The following CACHD1 variants were observed in gnomAD, a reference collection of about 807,000 sequenced individuals.
CACHD1 encodes cache domain containing 1, also known as VWFA and cache domain-containing protein 1.
Under a neutral mutation model 138.7 loss-of-function variants are expected in CACHD1, and 71 were observed. The ratio of observed to expected loss-of-function variants is 0.51; its 90% CI spans 0.42 to 0.62. CACHD1 has a LOEUF of 0.62. Among genes scored for constraint, CACHD1 ranks in the 20% least tolerant of loss-of-function variants. The probability of loss-of-function intolerance (pLI) is 0.00; values close to 1 mark genes in which losing one functional copy is unlikely to be tolerated. For missense variants in CACHD1, 1,389 were observed against 1,625.3 expected, an observed-to-expected ratio of 0.85 and a Z score of 2.50; for synonymous variants, 578 against 591.5, an observed-to-expected ratio of 0.98 and a Z score of 0.33.
At chr1:64,539,639 G>A (rs987169369) in intron 1 of CACHD1, among the ~76,000 whole-genome samples, 2 of 152,194 alleles carry the variant, frequency 1.3e-5, no homozygotes, top group African/African-American at 2.4e-5. Context: ...GGCCAATGGG[G>A]CTAGAATGTA....
At chr1:64,566,320 A>G (rs960056263) in intron 2 of CACHD1, among the ~76,000 whole-genome samples, 2 of 152,238 alleles carry the variant, frequency 1.3e-5, no homozygotes, top group Non-Finnish European at 2.9e-5. Flanking sequence ...AATTTGCTGC[A>G]TGAATTAATA....
chr1:64,527,713 G>A (rs74082821), intron 1 of CACHD1, among the ~76,000 whole-genome samples: 3,407 of 152,180 alleles, frequency 0.022, 126 homozygotes, highest in African/African-American at 0.077. Context: ...GGATAATATT[G>A]CACTTAATAT....
rs1194782163 is a variant in CACHD1 at position 64,531,527 on chromosome 1, G to GTT, written c.199-19066_199-19065insTT. 1.0e-3 allele frequency among the ~76,000 whole-genome samples: 134 copies of GTT among 131,288 alleles called. 2 individuals are homozygous for GTT. The highest frequency in any genetic ancestry group is 6.6e-3 in the Admixed American group (84 of 12,770). The allele number at this position is 131,288 out of a possible 152,430, so 86.1% of individuals were successfully genotyped here. ...TGTGTGTGTGTGTGTGTGTGTGTGT[G>GTT]TGTCTGTGTAGGGGTGGGAGGAGAA... On this transcript the variant is annotated intron_variant, in intron 1 of 26. Coordinates refer to ENST00000651257, the MANE Select transcript of CACHD1 (RefSeq NM_020925.4).
chr1:64,476,613 T>C (rs537979385), intron 1 of CACHD1, among the ~76,000 whole-genome samples: 1 of 152,374 alleles, frequency 6.6e-6, no homozygotes, highest in African/African-American at 2.4e-5. Flanking sequence ...CATTGACGGA[T>C]GACTCTGAGT....
chr1:64,479,547 T>G (rs575115776), intron 1 of CACHD1, among the ~76,000 whole-genome samples: 1 of 152,104 alleles, frequency 6.6e-6, no homozygotes, highest in Middle Eastern at 3.2e-3. Context: ...AGGGCATAAA[T>G]AGAGGTGGGA....
At chr1:64,546,994 A>C (rs1217333324) in intron 1 of CACHD1, among the ~76,000 whole-genome samples, 1 of 152,196 alleles carries the variant, frequency 6.6e-6, no homozygotes, top group Non-Finnish European at 1.5e-5. Context: ...GAAGAAGGTG[A>C]TATGAATGAA....
intron 4 of CACHD1, 94 bp from the exon 5 acceptor site, chr1:64,629,261 T>C (rs1648217628): frequency 7.3e-7 from 1 of 1,378,572 alleles, no homozygotes; most frequent in Non-Finnish European, 1.0e-6. Flanking sequence ...TTCTTCATAC[T>C]AGAAGCAGTT....
chr1:64,516,070 AG>A (rs1381878421), intron 1 of CACHD1, among the ~76,000 whole-genome samples: 6 of 152,314 alleles, frequency 3.9e-5, no homozygotes, highest in African/African-American at 1.4e-4. Context: ...TGTATATTCA[AG>A]TAGTCTTTTT....
chr1:64,661,105 A>G (rs1324993599), intron 13 of CACHD1, among the ~76,000 whole-genome samples: 1 of 152,152 alleles, frequency 6.6e-6, no homozygotes, highest in Non-Finnish European at 1.5e-5. Flanking sequence ...ATGAAAATGA[A>G]CCAAGGTAAT....
chr1:64,531,646 AAT>A (rs937813880), intron 1 of CACHD1, among the ~76,000 whole-genome samples: 13 of 152,282 alleles, frequency 8.5e-5, no homozygotes, highest in South Asian at 2.1e-4. Context: ...TGAAAGAACC[AAT>A]ATCTACCTAC....
chr1:64,567,892 A>G (rs557957604), intron 2 of CACHD1, among the ~76,000 whole-genome samples: 1 of 152,302 alleles, frequency 6.6e-6, no homozygotes, highest in Non-Finnish European at 1.5e-5. Context: ...GTCAGGGGTA[A>G]AACAATGGTG....
intron 25 of CACHD1, among the ~76,000 whole-genome samples, chr1:64,681,541 G>GTTTTTTTTTTTTTT (rs57993424): frequency 4.6e-4 from 31 of 68,130 alleles, no homozygotes; most frequent in East Asian, 1.8e-3. Flanking sequence ...ATTTTATTGT[G>GTTTTTTTTTTTTTT]TTTTTTTTTT....
At chr1:64,477,605 TATTATTATTATTATTATTA>T (rs1557454971) in intron 1 of CACHD1, among the ~76,000 whole-genome samples, 28 of 145,640 alleles carry the variant, frequency 1.9e-4, no homozygotes, top group African/African-American at 6.6e-4. Context: ...TTATTATTAT[TATTATTATTATTATTATTA>T]TTTTATTTTA....
intron 1 of CACHD1, among the ~76,000 whole-genome samples, chr1:64,508,500 G>A (rs911988159): frequency 6.6e-6 from 1 of 152,126 alleles, no homozygotes; most frequent in Non-Finnish European, 1.5e-5. Context: ...AAATTTATCT[G>A]TCTAAACCTC....
rs771795959 is a variant in CACHD1 at position 64,658,833 on chromosome 1, G to T, written c.1911G>T (p.Gln637His). 1.5e-5 allele frequency: 24 copies of T among 1,585,910 alleles called. No individual in the cohort carries two copies. The highest frequency in any genetic ancestry group is 8.6e-7 in the Non-Finnish European group (1 of 1,163,398). ...ACCACCGGCTGGATCTCCTTGGCCAGCCCAGTGCTTGCCTCCACTTCAAAC... is the reference window on the plus strand; with the variant it reads ...ACCACCGGCTGGATCTCCTTGGCCATCCCAGTGCTTGCCTCCACTTCAAAC... ...LLYHRLDLLG[Q>H]PSACLHFKQL... The change falls in exon 13 of 27, where the codon CAG becomes CAT. Residue 637 changes from glutamine (Q) to histidine (H), a missense_variant. Around this residue, in one of 5 missense-constraint regions of CACHD1, gnomAD observed 1,000 missense variants for 1,114.7 expected, o/e 0.90. Transcript: ENST00000651257.
At chr1:64,552,522 T>C (rs986958469) in intron 2 of CACHD1, among the ~76,000 whole-genome samples, 1 of 150,364 alleles carries the variant, frequency 6.7e-6, no homozygotes, top group African/African-American at 2.5e-5. Flanking sequence ...CATGCTGGAG[T>C]GCAGTGGTGG....
Position 64,632,775 on chromosome 1 carries a change from C to G in CACHD1, c.789+32C>G, listed in dbSNP as rs775004325. The G allele has an allele frequency of 5.0e-6, 8 of 1,612,492 alleles. No individual in the cohort carries two copies. In the South Asian group the frequency reaches 6.6e-5, roughly 13 times the overall value. On this transcript the variant is annotated intron_variant, in intron 6 of 26. Transcript: ENST00000651257. Reference sequence around the variant, plus strand: ...ATGACCCTTGTGACCCCTATGGCATCAGGTTCTCCTTGAATGCCTTTTTTA... The same window carrying G: ...ATGACCCTTGTGACCCCTATGGCATGAGGTTCTCCTTGAATGCCTTTTTTA...
Position 64,537,085 on chromosome 1 carries a change from C to T in CACHD1, c.199-13509C>T, listed in dbSNP as rs148871713. ...TCCTGTTGCCCTCTGTGAGGGTCAC[C>T]GTATTTGCAGCATGATGTGAAAGTA... On this transcript the variant is annotated intron_variant, in intron 1 of 26. Coordinates refer to ENST00000651257, the MANE Select transcript of CACHD1 (RefSeq NM_020925.4). 3.0e-3 allele frequency among the ~76,000 whole-genome samples: 454 copies of T among 152,186 alleles called. 4 individuals are homozygous for T. The highest frequency in any genetic ancestry group is 9.8e-3 in the African/African-American group (405 of 41,508).
chr1:64,484,155 G>A (rs554300493), intron 1 of CACHD1, among the ~76,000 whole-genome samples: 11 of 152,090 alleles, frequency 7.2e-5, no homozygotes, highest in African/African-American at 2.4e-4. Context: ...TATTGGACAA[G>A]GGTTAGCGGG....
Sources: gnomAD v4.1 joint callset for allele counts (sites outside exome capture counted in the v4.1 genomes callset) on GRCh38, gnomAD v4.1.1 for gene constraint, gnomAD v4.1.1 regional missense constraint, MANE v1.5 for transcripts, NCBI Gene and HGNC (gene_info 2026-07-23, HGNC 2026-07-21) for gene names.